BBS1: variants seen among roughly 807,000 people sequenced by gnomAD.
BBS1 encodes BBSome complex member BBS1.
Under a neutral mutation model 73.9 loss-of-function variants are expected in BBS1, and 60 were observed. The ratio of observed to expected loss-of-function variants is 0.81; its 90% CI spans 0.66 to 1.01. The LOEUF (loss-of-function observed/expected upper bound fraction) is 1.01, where lower values mean the gene tolerates loss of function less well. BBS1 is among the 50% of genes least tolerant of loss of function. The pLI is 0.00. For synonymous variants in BBS1, 283 were observed against 317.4 expected, an observed-to-expected ratio of 0.89 and a Z score of 1.15; for missense variants, 718 against 770.3, an observed-to-expected ratio of 0.93 and a Z score of 0.80.
At chr11:66,531,390 G>A (rs1455695154) in intron 15 of BBS1, among the ~76,000 whole-genome samples, 1 of 152,184 alleles carries the variant, frequency 6.6e-6, no homozygotes, top group Admixed American at 6.5e-5. Context: ...CCCAAGTTGG[G>A]AGGACCAGAA....
At chr11:66,516,505 C>CT (rs1228847516) in intron 7 of BBS1, among the ~76,000 whole-genome samples, 1 of 152,008 alleles carries the variant, frequency 6.6e-6, no homozygotes, top group African/African-American at 2.4e-5. Flanking sequence ...TTTTTGTAAG[C>CT]TTTCGCCTTC....
At position 66,526,202 on chromosome 11, in the gene BBS1, G is replaced by A; in HGVS notation, c.1180+10G>A. On this transcript the variant is annotated intron_variant, in intron 12 of 16. Transcript: ENST00000318312. The stretch of plus-strand genomic sequence containing the variant: ...ATCATGACCACTCGAGGTGAGTGGA[G>A]TCAGACCTGGCAAGGGCTTTGAAGT... 6.2e-7 allele frequency: 1 copy of A among 1,613,596 alleles called. No individual in the cohort carries two copies. The highest frequency in any genetic ancestry group is 8.5e-7 in the Non-Finnish European group (1 of 1,179,496).
intron 1 of BBS1, 117 bp downstream of exon 1, chr11:66,510,823 G>T: frequency 6.7e-7 from 1 of 1,497,150 alleles, no homozygotes; most frequent in South Asian, 1.1e-5. Flanking sequence ...TAAGAGGTCA[G>T]ATAGGGAAAC....
chr11:66,512,288 T>C (rs1392623319), intron 3 of BBS1, among the ~76,000 whole-genome samples: 3 of 152,026 alleles, frequency 2.0e-5, no homozygotes, highest in Non-Finnish European at 4.4e-5. Context: ...TTTACTGAAT[T>C]TGTAACTGGG....
At chr11:66,529,355 G>C in intron 13 of BBS1, 1 of 1,512,032 alleles carries the variant, frequency 6.6e-7, no homozygotes, top group Non-Finnish European at 8.9e-7. Flanking sequence ...GTGTTGATGG[G>C]ACCTCCCTGT....
At chr11:66,520,730 T>A (rs1309554093) in intron 8 of BBS1, 1 of 196,332 alleles carries the variant, frequency 5.1e-6, no homozygotes, top group East Asian at 1.2e-4. Flanking sequence ...CCAAATATCC[T>A]TGCATGCTTG....
chr11:66,523,098 T>C (rs1377095218), intron 9 of BBS1: 1 of 470,524 alleles, frequency 2.1e-6, no homozygotes, highest in Non-Finnish European at 4.2e-6. Context: ...TTTCTCATAA[T>C]AAAGTGCCTA....
Position 66,529,287 on chromosome 11 carries a change from A to C in BBS1, c.1340-532A>C. 3 of 1,534,774 alleles carry C rather than the reference A, an allele frequency of 2.0e-6. No individual in the cohort carries two copies. The South Asian group carries it at 3.6e-5, about 18-fold the overall frequency. On this transcript the variant is annotated intron_variant, in intron 13 of 16. Transcript: ENST00000318312. The stretch of plus-strand genomic sequence containing the variant: ...GGTGGACCTAGGTGACTTGATGGAC[A>C]GGGAGGCAGTGACGGAGGCAGGACC...
At chr11:66,529,372 G>A (rs1332506021) in intron 13 of BBS1, 2 of 1,473,420 alleles carry the variant, frequency 1.4e-6, no homozygotes, top group African/African-American at 2.8e-5. Context: ...CTGTGGAGAT[G>A]AGCAGGAGGC....
chr11:66,513,634 GCAC>G (rs1048134765), intron 3 of BBS1, among the ~76,000 whole-genome samples: 1 of 152,062 alleles, frequency 6.6e-6, no homozygotes, highest in Non-Finnish European at 1.5e-5. Context: ...AGCCATGATC[GCAC>G]CACTGCACTC....
chr11:66,529,034 T>C (rs1473999015), intron 13 of BBS1: 6 of 946,296 alleles, frequency 6.3e-6, no homozygotes, highest in Non-Finnish European at 7.5e-6. Context: ...CAAAAATTAA[T>C]TCTGGATAGA....
At chr11:66,518,260 T>C (rs1407110724) in intron 7 of BBS1, among the ~76,000 whole-genome samples, 1 of 151,462 alleles carries the variant, frequency 6.6e-6, no homozygotes, top group Non-Finnish European at 1.5e-5. Flanking sequence ...TCCGGCCTTT[T>C]CTTTTATTTA....
Position 66,519,604 on chromosome 11 carries a change from A to C in BBS1, c.592-13A>C. The C allele has an allele frequency of 6.2e-7, 1 of 1,613,422 alleles. No homozygotes were observed. Among genetic ancestry groups the C allele is most frequent in the Non-Finnish European group, 8.5e-7 (1 of 1,179,814 alleles). ...TGGAGGTTCCCTGGGTGACCCCTGG[A>C]GTCCTTCTGTAGACAGTCATCACCA... On this transcript the variant is annotated splice_polypyrimidine_tract_variant and intron_variant, in intron 7 of 16. Transcript: ENST00000318312.
chr11:66,515,963 G>A lies in BBS1; in HGVS notation c.591+30G>A, dbSNP rs1391478617. 17 of 1,611,514 alleles carry A rather than the reference G, an allele frequency of 1.1e-5. No individual in the cohort carries two copies. The Middle Eastern group carries it at 4.9e-4, about 47-fold the overall frequency. On this transcript the variant is annotated intron_variant, in intron 7 of 16. Coordinates refer to ENST00000318312, the MANE Select transcript of BBS1 (RefSeq NM_024649.5). The stretch of plus-strand genomic sequence containing the variant: ...TACCCCCTTCTCTTTTTATTTCCCT[G>A]TAAAAAAATTTACATTTTTTTAAAA...
intron 11 of BBS1, among the ~76,000 whole-genome samples, chr11:66,524,690 ACT>A (rs1856407073): frequency 6.6e-6 from 1 of 152,166 alleles, no homozygotes; most frequent in African/African-American, 2.4e-5. Context: ...AGGTTTTCAG[ACT>A]CTAAGTTGTG....
At chr11:66,526,410 C>T (rs1346366806) in intron 12 of BBS1, among the ~76,000 whole-genome samples, 1 of 152,220 alleles carries the variant, frequency 6.6e-6, no homozygotes, top group East Asian at 1.9e-4. Context: ...CCAGCATCCC[C>T]AGTGCCTGCC....
chr11:66,511,010 C>T lies in BBS1; in HGVS notation c.48-3C>T, dbSNP rs869025204. ...TCCCCAACTGTCTTTCCCCCACTTC[C>T]AGCAATGAGGCCAATTCGAAGTGGT... On this transcript the variant is annotated splice_region_variant and splice_polypyrimidine_tract_variant and intron_variant, in intron 1 of 16. Transcript: ENST00000318312. The T allele has an allele frequency of 6.2e-7, 1 of 1,614,154 alleles. No individual in the cohort carries two copies. Among genetic ancestry groups the T allele is most frequent in the Non-Finnish European group, 8.5e-7 (1 of 1,180,010 alleles).
At chr11:66,529,582 G>A in intron 13 of BBS1, 1 of 691,892 alleles carries the variant, frequency 1.4e-6, no homozygotes, top group Admixed American at 2.1e-5. Context: ...CAGTGAAGGA[G>A]CTAGATAGTG....
chr11:66,529,164 C>T (rs1301970509), intron 13 of BBS1: 1 of 1,384,086 alleles, frequency 7.2e-7, no homozygotes, highest in East Asian at 2.6e-5. Context: ...CCGAGGTGCC[C>T]AGTCTGGAAG....
Sources: gnomAD v4.1 joint callset for allele counts (sites outside exome capture counted in the v4.1 genomes callset) on GRCh38, gnomAD v4.1.1 for gene constraint, MANE v1.5 for transcripts, NCBI Gene and HGNC (gene_info 2026-07-23, HGNC 2026-07-21) for gene names.